Variants in ZBED1 observed in about 807,000 individuals in gnomAD.
ZBED1 encodes the protein zinc finger BED-type containing 1.
In ZBED1, 19 loss-of-function variants were observed where a neutral mutation model predicts 49.7. The ratio of observed to expected loss-of-function variants is 0.38; its 90% confidence interval spans 0.27 to 0.56. The LOEUF (loss-of-function observed/expected upper bound fraction) is 0.56, where lower values mean the gene tolerates loss of function less well. Ranked by LOEUF, ZBED1 falls within the 20% of genes least tolerant of loss-of-function variation. The pLI, the probability that ZBED1 is intolerant of heterozygous loss-of-function variation, is 0.70. For synonymous variants in ZBED1, 439 were observed against 440.3 expected, an observed-to-expected ratio of 1.00 and a Z score of 0.04; for missense variants, 806 against 972.6, an observed-to-expected ratio of 0.83 and a Z score of 2.28.
Position 2,489,731 on chromosome X carries a change from T to G in ZBED1, c.989A>C (p.Tyr330Ser). The part of the protein sequence containing the change: ...EYFQQSAVAM[Y>S]MLYEKQKQQN... ...CTGCTTCTGCTTCTCATAGAGCATG[T>G]ACATGGCCACGGCAGACTGCTGGAA... Residue 330 changes from tyrosine to serine, a missense_variant, in exon 2 of 2, where the codon TAC becomes TCC. This residue lies in a region of ZBED1 where 749 missense variants were observed against 861.3 expected (regional missense o/e 0.87). Transcript: ENST00000652001. 1 of 1,613,182 alleles carries G rather than the reference T, an allele frequency of 6.2e-7. No individual in the cohort carries two copies. The highest frequency in any genetic ancestry group is 8.5e-7 in the Non-Finnish European group (1 of 1,179,858).
At chrX:2,500,111 C>G (rs1425253136) in intron 1 of ZBED1, among the ~76,000 whole-genome samples, 3 of 152,228 alleles carry the variant, frequency 2.0e-5, no homozygotes, top group African/African-American at 7.2e-5. Context: ...GCGGTCATCA[C>G]TGATGAGTTC....
At chrX:2,498,924 T>A (rs753995563) in intron 1 of ZBED1, among the ~76,000 whole-genome samples, 203 of 152,312 alleles carry the variant, frequency 1.3e-3, no homozygotes, top group African/African-American at 4.7e-3. Flanking sequence ...CAGTTCCCTT[T>A]ACTCTCCTTC....
chrX:2,492,089 A>G (rs935448877), intron 1 of ZBED1, among the ~76,000 whole-genome samples: 1 of 152,232 alleles, frequency 6.6e-6, no homozygotes, highest in Non-Finnish European at 1.5e-5. Context: ...GCAAGGAGGC[A>G]TATTTCAATG....
In ZBED1 at chrX:2,487,367, A is replaced by T. The variant is rs970786892; in HGVS notation, c.*1268T>A. The T allele has an allele frequency of 1.4e-5, 2 of 144,762 alleles. No homozygotes were observed. The highest frequency in any genetic ancestry group is 3.1e-5 in the Non-Finnish European group (2 of 65,504). The allele number at this position is 144,762 out of a possible 1,614,324, so 9.0% of individuals were successfully genotyped here. On this transcript the variant is annotated 3_prime_UTR_variant, in exon 2 of 2. Transcript: ENST00000652001. ...TAACCTCCGGACCCGTGAGCCACCC[A>T]CTTTTGTTTTGTTTTGAGACGGAGT... is the stretch of plus-strand genomic sequence containing the variant.
rs746132096 is a variant in ZBED1 at position 2,489,289 on chromosome X, G to C, written c.1431C>G (p.Pro477=). The C allele has an allele frequency of 8.7e-6, 14 of 1,613,818 alleles. No homozygotes were observed. The Admixed American group carries it at 1.2e-4, about 13-fold the overall frequency. The part of the protein sequence containing the change: ...MFLNVATFLD[P]RYKRLPFLSA... ...AGAGGAAGGGCAGCCTCTTGTAGCG[G>C]GGGTCCAGGAAGGTGGCCACGTTGA... The change falls in exon 2 of 2, where the codon CCC becomes CCG. Residue 477 remains proline, a synonymous_variant. Coordinates refer to ENST00000652001, the MANE Select transcript of ZBED1 (RefSeq NM_001171136.2).
chrX:2,494,942 A>T (rs2045244965), intron 1 of ZBED1, among the ~76,000 whole-genome samples: 1 of 151,820 alleles, frequency 6.6e-6, no homozygotes, highest in Non-Finnish European at 1.5e-5. Context: ...CAGGACCTGG[A>T]GCAAAGGTTT....
rs2045207979 is a variant in ZBED1, at chrX:2,493,408, T to C, written c.-53-2636A>G. Reference sequence around the variant, plus strand: ...CATTCCATTATTATTATTTGTGCTATTGGGCTGAAAGAGGTCCCAGTCCTC... The same window carrying C: ...CATTCCATTATTATTATTTGTGCTACTGGGCTGAAAGAGGTCCCAGTCCTC... On this transcript the variant is annotated intron_variant, in intron 1 of 1. Transcript: ENST00000652001. Among the ~76,000 whole-genome samples the C allele has an allele frequency of 2.6e-5, 4 of 152,002 alleles. No individual in the cohort carries two copies. In the South Asian group the frequency reaches 8.3e-4, roughly 32 times the overall value.
Position 2,489,736 on chromosome X carries a change from G to A in ZBED1, c.984C>T (p.Ala328=). 6.2e-7 allele frequency: 1 copy of A among 1,613,236 alleles called. No homozygotes were observed. Among genetic ancestry groups the A allele is most frequent in the Non-Finnish European group, 8.5e-7 (1 of 1,179,870 alleles). ...LVEYFQQSAV[A]MYMLYEKQKQ... ...TCTGCTTCTCATAGAGCATGTACAT[G>A]GCCACGGCAGACTGCTGGAAGTACT... Residue 328 remains alanine (A), a synonymous_variant, in exon 2 of 2, where the codon GCC becomes GCT. Transcript: ENST00000652001.
intron 1 of ZBED1, among the ~76,000 whole-genome samples, chrX:2,495,999 C>T (rs1004271027): frequency 2.6e-5 from 4 of 152,096 alleles, no homozygotes; most frequent in African/African-American, 9.7e-5. Context: ...CACTCTTCTC[C>T]CTAGGTTTTT....
intron 1 of ZBED1, among the ~76,000 whole-genome samples, chrX:2,491,066 G>GT (rs900738620): frequency 0.3 from 33,313 of 109,996 alleles, 6,111 homozygotes; most frequent in Admixed American, 0.41. Flanking sequence ...AGTGCCTTTA[G>GT]TTTTTTTTTT....
At position 2,489,120 on chromosome X, in the gene ZBED1, G is replaced by A. The variant is rs771189505; in HGVS notation, c.1600C>T (p.Arg534Trp). The A allele has an allele frequency of 1.9e-5, 30 of 1,613,398 alleles. No individual in the cohort carries two copies. Among genetic ancestry groups the A allele is most frequent in the East Asian group, 1.8e-4 (8 of 44,890 alleles). Residue 534 changes from arginine (R) to tryptophan (W), a missense_variant, in exon 2 of 2, where the codon CGG becomes TGG. Physicochemically the swap from Arg to Trp is moderately radical, Grantham distance 101 (BLOSUM62 -3). This residue lies in a region of ZBED1 where 749 missense variants were observed against 861.3 expected (regional missense o/e 0.87). Coordinates refer to ENST00000652001, the MANE Select transcript of ZBED1 (RefSeq NM_001171136.2). ...CTGGCGGGCGGCGGCGTGGATGTCC[G>A]CATGAGCTTCTTGACGGGAGGCTCC... Reference protein sequence around the residue: ...PEEPPVKKLMRTSTPPPASVI... With the variant: ...PEEPPVKKLMWTSTPPPASVI...
chrX:2,497,118 G>A (rs1333924331), intron 1 of ZBED1, among the ~76,000 whole-genome samples: 7 of 152,046 alleles, frequency 4.6e-5, no homozygotes, highest in Non-Finnish European at 7.4e-5. Context: ...ATTGGAGGCC[G>A]GGGGCAGGGG....
At chrX:2,497,774 T>C (rs1423823345) in intron 1 of ZBED1, among the ~76,000 whole-genome samples, 2 of 152,244 alleles carry the variant, frequency 1.3e-5, no homozygotes, top group African/African-American at 4.8e-5. Context: ...GAAAATGTAA[T>C]TTCTAAACAG....
rs774050896 is a variant in ZBED1, at chrX:2,490,294, G to A, written c.426C>T (p.Ser142=). The A allele has an allele frequency of 1.2e-6, 2 of 1,613,474 alleles. No individual in the cohort carries two copies. Among genetic ancestry groups the A allele is most frequent in the Admixed American group, 1.7e-5 (1 of 60,004 alleles). ...CCTTGAAGGTGGGCTCGTCCACGAT[G>A]GAGGCTGGGTACAGCCCCTCGCAGA... ...GLICEGLYPA[S]IVDEPTFKVL... The change falls in exon 2 of 2, where the codon TCC becomes TCT. Residue 142 remains serine, a synonymous_variant. Coordinates refer to ENST00000652001, the MANE Select transcript of ZBED1 (RefSeq NM_001171136.2).
intron 1 of ZBED1, among the ~76,000 whole-genome samples, 200 bp from the exon 2 acceptor site, chrX:2,490,972 G>A (rs1168758054): frequency 6.6e-6 from 1 of 151,872 alleles, no homozygotes; most frequent in Non-Finnish European, 1.5e-5. Flanking sequence ...TTTCTTCCAC[G>A]TTAATCCGAC....
chrX:2,491,196 A>G (rs917094867), intron 1 of ZBED1, among the ~76,000 whole-genome samples: 8 of 150,274 alleles, frequency 5.3e-5, no homozygotes, highest in Non-Finnish European at 1.2e-4. Flanking sequence ...CAGCTTCCTC[A>G]GTAGCTGGGA....
At chrX:2,500,788 A>T in intron 1 of ZBED1, 29 bp downstream of exon 1, 1 of 802,896 alleles carries the variant, frequency 1.2e-6, no homozygotes, top group Non-Finnish European at 1.5e-6. Context: ...GGGTCCCCGG[A>T]GCCCTGACCC....
chrX:2,488,341 A>C lies in ZBED1; in HGVS notation c.*294T>G. ...AGGCACATGCCATCAGTCCTGGCTA[A>C]TTTTTGTATTTTTAGTAGAGACGGG... On this transcript the variant is annotated 3_prime_UTR_variant, in exon 2 of 2. Coordinates refer to ENST00000652001, the MANE Select transcript of ZBED1 (RefSeq NM_001171136.2). 2.7e-6 allele frequency: 1 copy of C among 372,624 alleles called. No homozygotes were observed. The highest frequency in any genetic ancestry group is 4.7e-6 in the Non-Finnish European group (1 of 211,216). The allele number at this position is 372,624 out of a possible 1,614,324, so 23.1% of individuals were successfully genotyped here.
rs1484506005 is a variant in ZBED1, at chrX:2,486,445, T to C, written c.*2190A>G. On this transcript the variant is annotated 3_prime_UTR_variant, in exon 2 of 2. Transcript: ENST00000652001. Reference sequence around the variant, plus strand: ...TGAATGAGGAGCTAATGCATTGCTCTGGTTTATTGAACAACAGTCCAACTT... The same window carrying C: ...TGAATGAGGAGCTAATGCATTGCTCCGGTTTATTGAACAACAGTCCAACTT... 2 of 152,222 alleles carry C rather than the reference T, an allele frequency of 1.3e-5. No homozygotes were observed. Among genetic ancestry groups the C allele is most frequent in the African/African-American group, 2.4e-5 (1 of 41,458 alleles). 9.4% of individuals were successfully genotyped at this position (152,222 alleles called of 1,614,324 possible).
Sources: allele counts gnomAD v4.1 joint callset (sites outside exome capture counted in the v4.1 genomes callset), GRCh38; gene constraint gnomAD v4.1.1; regional missense constraint gnomAD v4.1.1; transcripts MANE v1.5; gene names NCBI Gene and HGNC (gene_info 2026-07-23, HGNC 2026-07-21).